Variants in TNR observed in about 807,000 individuals in gnomAD.
TNR encodes tenascin R.
In TNR, 45 loss-of-function variants were observed where a neutral mutation model predicts 150.4. The ratio of observed to expected loss-of-function variants is 0.30; its 90% CI spans 0.24 to 0.38. The LOEUF is 0.38. Among genes scored for constraint, TNR ranks in the 10% least tolerant of loss-of-function variants. TNR has a pLI of 1.00. For missense variants in TNR, 1,544 were observed against 1,759.1 expected, an observed-to-expected ratio of 0.88 and a Z score of 2.19; for synonymous variants, 687 against 678.4, an observed-to-expected ratio of 1.01 and a Z score of -0.20.
At chr1:175,382,457 G>T (rs1044551363) in intron 8 of TNR, among the ~76,000 whole-genome samples, 3 of 152,200 alleles carry the variant, frequency 2.0e-5, no homozygotes, top group Non-Finnish European at 4.4e-5. Flanking sequence ...GTATCATCCA[G>T]GTTGAAATTG....
chr1:175,503,709 G>T (rs1235368915), intron 2 of TNR, among the ~76,000 whole-genome samples: 1 of 152,210 alleles, frequency 6.6e-6, no homozygotes, highest in Non-Finnish European at 1.5e-5. Flanking sequence ...CATTCACGGA[G>T]CCGTGGAATA....
chr1:175,582,260 A>G (rs2102229482), intron 1 of TNR, among the ~76,000 whole-genome samples: 1 of 152,330 alleles, frequency 6.6e-6, no homozygotes, highest in East Asian at 1.9e-4. Flanking sequence ...ATTGTTTTTG[A>G]GTTCTTGAAA....
At chr1:175,416,783 C>A (rs1036422914) in intron 2 of TNR, among the ~76,000 whole-genome samples, 1 of 152,124 alleles carries the variant, frequency 6.6e-6, no homozygotes, top group Non-Finnish European at 1.5e-5. Context: ...CCAAGACGGG[C>A]GGATCACGAC....
intron 1 of TNR, among the ~76,000 whole-genome samples, chr1:175,713,647 T>C (rs1271987923): frequency 6.6e-6 from 1 of 152,136 alleles, no homozygotes; most frequent in Non-Finnish European, 1.5e-5. Context: ...CTAACTTCAT[T>C]GTCATTAAGC....
chr1:175,331,040 T>TCTTG (rs1649763017), intron 20 of TNR, among the ~76,000 whole-genome samples: 1 of 72,614 alleles, frequency 1.4e-5, no homozygotes, highest in African/African-American at 4.6e-5. Context: ...TTTCTTTCTT[T>TCTTG]CTTTCTTTCT....
chr1:175,373,122 T>C lies in TNR; in HGVS notation c.1964-5825A>G, dbSNP rs1163862175. 6.6e-5 allele frequency among the ~76,000 whole-genome samples: 10 copies of C among 152,006 alleles called. No individual in the cohort carries two copies. In the East Asian group the frequency reaches 1.7e-3, roughly 26 times the overall value. ...CAGTAGCGGTGGTGGTGGGGAGTGT[T>C]GGGGAGACTCCGAAGAGAGGATATC... On this transcript the variant is annotated intron_variant, in intron 9 of 22. Transcript: ENST00000367674.
At chr1:175,360,854 A>G (rs1651557443) in intron 14 of TNR, among the ~76,000 whole-genome samples, 1 of 152,314 alleles carries the variant, frequency 6.6e-6, no homozygotes, top group South Asian at 2.1e-4. Flanking sequence ...AGGAGCACTC[A>G]CTTCCAAAAG....
intron 2 of TNR, among the ~76,000 whole-genome samples, chr1:175,515,400 A>C (rs1285235855): frequency 6.6e-6 from 1 of 152,216 alleles, no homozygotes; most frequent in Non-Finnish European, 1.5e-5. Flanking sequence ...CGCCTAATTC[A>C]GTCTAGGTTT....
intron 1 of TNR, among the ~76,000 whole-genome samples, chr1:175,602,099 G>T (rs2101847762): frequency 6.8e-6 from 1 of 146,008 alleles, no homozygotes; most frequent in East Asian, 2.1e-4. Flanking sequence ...AAAGTATGTG[G>T]ATCTGCTTTA....
intron 18 of TNR, among the ~76,000 whole-genome samples, chr1:175,341,305 G>A (rs1050835913): frequency 6.6e-6 from 1 of 152,124 alleles, no homozygotes; most frequent in Admixed American, 6.5e-5. Flanking sequence ...CTTCCTTTTG[G>A]TGCAATAACT....
intron 2 of TNR, among the ~76,000 whole-genome samples, chr1:175,487,842 T>A (rs1658079651): frequency 6.6e-6 from 1 of 152,202 alleles, no homozygotes; most frequent in Non-Finnish European, 1.5e-5. Context: ...TAGTTATTAT[T>A]CTTAATCTTA....
intron 4 of TNR, among the ~76,000 whole-genome samples, chr1:175,398,086 G>T (rs1314476520): frequency 6.6e-6 from 1 of 152,222 alleles, no homozygotes; most frequent in Non-Finnish European, 1.5e-5. Flanking sequence ...GCTGAGGCCA[G>T]CTGTGTTTTG....
rs1172186933 is a variant in TNR, at chr1:175,600,169, T to C, written c.-164-71800A>G. ...ACTCCCTTGTGTGTCAGAGAAGTTC[T>C]GCATTTGTACAATGGAGATAATAGT... On this transcript the variant is annotated intron_variant, in intron 1 of 22. Coordinates refer to ENST00000367674, the MANE Select transcript of TNR (RefSeq NM_003285.3). Among the ~76,000 whole-genome samples, 4 of 152,356 alleles carry C rather than the reference T, an allele frequency of 2.6e-5. No individual in the cohort carries two copies. In the East Asian group the frequency reaches 7.7e-4, roughly 29 times the overall value.
intron 21 of TNR, among the ~76,000 whole-genome samples, chr1:175,326,019 A>G (rs1215357873): frequency 2.0e-5 from 3 of 152,150 alleles, no homozygotes; most frequent in African/African-American, 7.2e-5. Context: ...GAGTGTAATA[A>G]AAAAAGAGAG....
chr1:175,662,496 C>A (rs1428508835), intron 1 of TNR, among the ~76,000 whole-genome samples: 1 of 152,220 alleles, frequency 6.6e-6, no homozygotes, highest in Non-Finnish European at 1.5e-5. Context: ...CCAGCCAGGC[C>A]TAATGCTTCC....
At chr1:175,619,818 A>G (rs1458403590) in intron 1 of TNR, among the ~76,000 whole-genome samples, 1 of 152,228 alleles carries the variant, frequency 6.6e-6, no homozygotes, top group Non-Finnish European at 1.5e-5. Flanking sequence ...AGCATAATAC[A>G]TACAGCCAAT....
At chr1:175,483,340 T>C (rs961579824) in intron 2 of TNR, among the ~76,000 whole-genome samples, 1 of 152,026 alleles carries the variant, frequency 6.6e-6, no homozygotes, top group Non-Finnish European at 1.5e-5. Flanking sequence ...GGAGAGGACA[T>C]GGAATCTGGA....
intron 1 of TNR, among the ~76,000 whole-genome samples, chr1:175,583,223 G>A (rs1357852828): frequency 6.6e-6 from 1 of 152,114 alleles, no homozygotes; most frequent in Non-Finnish European, 1.5e-5. Flanking sequence ...TAGAACACAG[G>A]TGGCCATAGT....
At chr1:175,650,183 A>T (rs1298255519) in intron 1 of TNR, among the ~76,000 whole-genome samples, 1 of 152,034 alleles carries the variant, frequency 6.6e-6, no homozygotes, top group Non-Finnish European at 1.5e-5. Flanking sequence ...GGAGTTCAAG[A>T]CCAGCCTGGC....
Sources: gnomAD v4.1 joint callset for allele counts (sites outside exome capture counted in the v4.1 genomes callset) on GRCh38, gnomAD v4.1.1 for gene constraint, MANE v1.5 for transcripts, NCBI Gene and HGNC (gene_info 2026-07-23, HGNC 2026-07-21) for gene names.